The following CAMKMT variants were observed in gnomAD, a reference collection of about 807,000 sequenced individuals.
CAMKMT encodes the protein CaM KMT.
In CAMKMT, 53 loss-of-function variants were observed where a neutral mutation model predicts 48.0. The ratio of observed to expected loss-of-function variants is 1.10; its 90% confidence interval spans 0.89 to 1.39. The LOEUF is 1.39. Among genes scored for constraint, CAMKMT ranks in the 40% most tolerant of loss-of-function variants. CAMKMT has a pLI of 0.00. For synonymous variants in CAMKMT, 165 were observed against 152.3 expected (o/e 1.08, Z -0.61); for missense variants, 428 against 402.7 (o/e 1.06, Z -0.54).
At chr2:44,486,957 G>A (rs532116710) in intron 3 of CAMKMT, among the ~76,000 whole-genome samples, 1 of 152,302 alleles carries the variant, frequency 6.6e-6, no homozygotes, top group Non-Finnish European at 1.5e-5. Flanking sequence ...CATGAAATAT[G>A]CTTAACTATG....
intron 3 of CAMKMT, among the ~76,000 whole-genome samples, chr2:44,474,112 C>G (rs1057488648): frequency 1.3e-5 from 2 of 152,088 alleles, no homozygotes; most frequent in Admixed American, 1.3e-4. Context: ...CACAGTTCTT[C>G]TTTGGAATTG....
intron 3 of CAMKMT, among the ~76,000 whole-genome samples, chr2:44,538,733 A>G (rs1272618176): frequency 1.3e-5 from 2 of 151,928 alleles, no homozygotes; most frequent in Non-Finnish European, 2.9e-5. Context: ...GAATTCAACC[A>G]TGTAACCAAA....
rs150085814 is a variant in CAMKMT, at chr2:44,622,752, T to C, written c.377-81531T>C. Among the ~76,000 whole-genome samples, 303 of 152,364 alleles carry C rather than the reference T, an allele frequency of 2.0e-3. 1 individual carries two copies. Among genetic ancestry groups the C allele is most frequent in the Non-Finnish European group, 2.7e-3 (181 of 68,028 alleles). Reference sequence around the variant, plus strand: ...TCCAGTCCACTGTTGATGGGCTGGTTTGATTCCATGTCTTTGCCACTGTGA... The same window carrying C: ...TCCAGTCCACTGTTGATGGGCTGGTCTGATTCCATGTCTTTGCCACTGTGA... On this transcript the variant is annotated intron_variant, in intron 3 of 10. Coordinates refer to ENST00000378494, the MANE Select transcript of CAMKMT (RefSeq NM_024766.5).
At chr2:44,563,555 T>G (rs539898644) in intron 3 of CAMKMT, among the ~76,000 whole-genome samples, 7 of 152,032 alleles carry the variant, frequency 4.6e-5, no homozygotes, top group Non-Finnish European at 7.4e-5. Context: ...ACATGTGCCA[T>G]GTTGGTTTGC....
At chr2:44,442,317 T>C (rs1666716929) in intron 3 of CAMKMT, among the ~76,000 whole-genome samples, 1 of 152,148 alleles carries the variant, frequency 6.6e-6, no homozygotes, top group Non-Finnish European at 1.5e-5. Context: ...TGTGTATATA[T>C]ATACACACAT....
At chr2:44,402,156 G>A (rs1014240344) in intron 3 of CAMKMT, among the ~76,000 whole-genome samples, 6 of 151,840 alleles carry the variant, frequency 4.0e-5, no homozygotes, top group Non-Finnish European at 5.9e-5. Context: ...GTGAAACCCC[G>A]TCTCTACTAA....
intron 3 of CAMKMT, among the ~76,000 whole-genome samples, chr2:44,669,980 A>G (rs1054319932): frequency 6.6e-6 from 1 of 152,110 alleles, no homozygotes; most frequent in Non-Finnish European, 1.5e-5. Context: ...CTAATCAGCT[A>G]CTTTTCAATG....
intron 3 of CAMKMT, among the ~76,000 whole-genome samples, chr2:44,616,532 CAA>C (rs1021854293): frequency 9.2e-6 from 1 of 109,084 alleles, no homozygotes; most frequent in Non-Finnish European, 2.3e-5. Flanking sequence ...CAACCTTTAA[CAA>C]TATATTTTTT....
chr2:44,734,083 T>C (rs188764279), intron 7 of CAMKMT, among the ~76,000 whole-genome samples: 1 of 152,190 alleles, frequency 6.6e-6, no homozygotes, highest in Admixed American at 6.5e-5. Flanking sequence ...CTCTAATCTT[T>C]ATTACTTCTT....
intron 2 of CAMKMT, among the ~76,000 whole-genome samples, chr2:44,381,939 A>AT (rs1680283515): frequency 8.9e-6 from 1 of 112,362 alleles, no homozygotes; most frequent in Non-Finnish European, 1.9e-5. Flanking sequence ...TTTATCTTAC[A>AT]CTTTTTTTTT....
At chr2:44,472,063 T>TATTATGA (rs1668449221) in intron 3 of CAMKMT, among the ~76,000 whole-genome samples, 1 of 152,172 alleles carries the variant, frequency 6.6e-6, no homozygotes, top group African/African-American at 2.4e-5. Flanking sequence ...CCTAAAAGAA[T>TATTATGA]TAAATGGGCA....
intron 3 of CAMKMT, among the ~76,000 whole-genome samples, chr2:44,594,146 G>A (rs1382435519): frequency 6.6e-6 from 1 of 152,234 alleles, no homozygotes; most frequent in East Asian, 1.9e-4. Flanking sequence ...ACAAATCACT[G>A]CTCAAGGAAA....
At chr2:44,749,551 T>G (rs1680067668) in intron 8 of CAMKMT, among the ~76,000 whole-genome samples, 1 of 152,190 alleles carries the variant, frequency 6.6e-6, no homozygotes, top group Admixed American at 6.5e-5. Flanking sequence ...TCATCCCCAG[T>G]TCCTAAATTT....
At chr2:44,731,408 AC>A (rs1301242219) in intron 7 of CAMKMT, among the ~76,000 whole-genome samples, 1 of 152,206 alleles carries the variant, frequency 6.6e-6, no homozygotes, top group African/African-American at 2.4e-5. Flanking sequence ...ATAAAGGTAA[AC>A]AAAGAAGTAC....
At chr2:44,608,257 A>G (rs1671408179) in intron 3 of CAMKMT, among the ~76,000 whole-genome samples, 1 of 151,922 alleles carries the variant, frequency 6.6e-6, no homozygotes, top group Admixed American at 6.6e-5. Context: ...TATTTTTAGT[A>G]GAGACGGGGT....
At chr2:44,432,973 A>C (rs1067362) in intron 3 of CAMKMT, among the ~76,000 whole-genome samples, 113,207 of 152,074 alleles carry the variant, frequency 0.74, 42,250 homozygotes, top group South Asian at 0.87. Flanking sequence ...TGCTCAGTAA[A>C]TATCAGCTAT....
At chr2:44,531,151 A>T (rs1031452803) in intron 3 of CAMKMT, among the ~76,000 whole-genome samples, 1 of 152,118 alleles carries the variant, frequency 6.6e-6, no homozygotes, top group Admixed American at 6.6e-5. Context: ...TAATAAACCT[A>T]TTCTTTTAAA....
chr2:44,706,571 C>A (rs905469898), intron 5 of CAMKMT, among the ~76,000 whole-genome samples: 2 of 151,400 alleles, frequency 1.3e-5, no homozygotes, highest in African/African-American at 4.9e-5. Context: ...CTTGTTGTGA[C>A]ATTCCAGGCC....
intron 3 of CAMKMT, among the ~76,000 whole-genome samples, chr2:44,433,121 C>G (rs1286875591): frequency 6.6e-6 from 1 of 152,106 alleles, no homozygotes; most frequent in Non-Finnish European, 1.5e-5. Context: ...TAGAGCTGGT[C>G]TATCTATTGG....
Sources: allele counts gnomAD v4.1 joint callset (sites outside exome capture counted in the v4.1 genomes callset), GRCh38; gene constraint gnomAD v4.1.1; transcripts MANE v1.5; gene names NCBI Gene and HGNC (gene_info 2026-07-23, HGNC 2026-07-21).